Variants in SUB1 observed in about 807,000 individuals in gnomAD.
SUB1 encodes the protein SUB1 regulator of transcription, also known as activated RNA polymerase II transcriptional coactivator p15.
A neutral mutation model predicts 16.9 loss-of-function variants in SUB1; 1 was observed. The ratio of observed to expected loss-of-function variants is 0.06; its 90% CI spans 0.02 to 0.28. SUB1 has a LOEUF of 0.28. Ranked by LOEUF, SUB1 falls within the 10% of genes least tolerant of loss-of-function variation. SUB1 has a pLI of 1.00. For missense variants in SUB1, 84 were observed against 145.2 expected (o/e 0.58, Z 2.16); for synonymous variants, 51 against 46.9 (o/e 1.09, Z -0.36).
At chr5:32,594,736 T>C (rs1399488260) in intron 3 of SUB1, 1 of 290,736 alleles carries the variant, frequency 3.4e-6, no homozygotes, top group African/African-American at 2.2e-5. Flanking sequence ...GGGATCTAGG[T>C]TGTGCGTTCC....
At chr5:32,598,397 G>A (rs1739031397) in intron 3 of SUB1, 1 of 152,220 alleles carries the variant, frequency 6.6e-6, no homozygotes, top group Non-Finnish European at 1.5e-5. Context: ...GCAATTTGTT[G>A]GAGACATGAA....
At position 32,598,956 on chromosome 5, in the gene SUB1, T is replaced by C. The variant is rs925809673; in HGVS notation, c.196-5T>C. The C allele has an allele frequency of 3.1e-6, 5 of 1,607,168 alleles. No homozygotes were observed. In the African/African-American group the frequency reaches 5.4e-5, roughly 17 times the overall value. On this transcript the variant is annotated splice_region_variant and splice_polypyrimidine_tract_variant and intron_variant, in intron 3 of 4. Coordinates refer to ENST00000265073, the MANE Select transcript of SUB1 (RefSeq NM_006713.4). Reference sequence around the variant, plus strand: ...CACCTCTTTTTATGTTTGTTTCTTTTGCAGATTGGGAAAATGAGGTACGTT... The same window carrying C: ...CACCTCTTTTTATGTTTGTTTCTTTCGCAGATTGGGAAAATGAGGTACGTT...
intron 2 of SUB1, among the ~76,000 whole-genome samples, chr5:32,588,831 T>TA (rs148485658): frequency 1.9e-3 from 287 of 152,104 alleles, no homozygotes; most frequent in African/African-American, 6.7e-3. Context: ...AAATAAAAAA[T>TA]AAAAAATAAG....
intron 3 of SUB1, chr5:32,595,902 T>C (rs1321423340): frequency 6.6e-6 from 1 of 152,242 alleles, no homozygotes; most frequent in Non-Finnish European, 1.5e-5. Context: ...CTCATGTACA[T>C]GTCTTAATTC....
chr5:32,594,937 C>T (rs1738920973), intron 3 of SUB1: 1 of 155,454 alleles, frequency 6.4e-6, no homozygotes, highest in East Asian at 1.9e-4. Flanking sequence ...ATAAGAATCA[C>T]AGTTCTTTAT....
intron 4 of SUB1, among the ~76,000 whole-genome samples, chr5:32,599,890 T>C (rs2111686401): frequency 6.6e-6 from 1 of 152,372 alleles, no homozygotes; most frequent in South Asian, 2.1e-4. Flanking sequence ...TCTTGTTTAC[T>C]TCTCTGTTTA....
At chr5:32,599,848 C>G (rs1411916497) in intron 4 of SUB1, among the ~76,000 whole-genome samples, 2 of 151,888 alleles carry the variant, frequency 1.3e-5, no homozygotes, top group Non-Finnish European at 2.9e-5. Context: ...TCATGGCCTT[C>G]CAGCAGTTTT....
intron 3 of SUB1, chr5:32,596,736 C>T (rs181195040): frequency 1.3e-5 from 2 of 152,222 alleles, no homozygotes; most frequent in Admixed American, 1.3e-4. Context: ...TATTTTTTGA[C>T]TCCGTTGTGT....
At chr5:32,594,733 A>G (rs1738915323) in intron 3 of SUB1, 1 of 298,426 alleles carries the variant, frequency 3.4e-6, no homozygotes, top group East Asian at 9.0e-5. Flanking sequence ...CAAGGGATCT[A>G]GGTTGTGCGT....
chr5:32,592,000 A>G (rs1370770903), intron 3 of SUB1, among the ~76,000 whole-genome samples: 1 of 152,212 alleles, frequency 6.6e-6, no homozygotes, highest in African/African-American at 2.4e-5. Flanking sequence ...GCCTTGCCAA[A>G]GTTGGCTGTT....
rs1186715277 is a variant in SUB1 at position 32,601,301 on chromosome 5, AGT to A, written c.*220_*221del. 1 of 478,706 alleles carries A rather than the reference AGT, an allele frequency of 2.1e-6. No individual in the cohort carries two copies. Among genetic ancestry groups the A allele is most frequent in the African/African-American group, 2.0e-5 (1 of 49,576 alleles). 29.7% of individuals were successfully genotyped at this position (478,706 alleles called of 1,614,324 possible). ...GGATTACTTTGTCTGCCCACCACCTAGTGTAAAATAAAATCAAGTAATACAAT... is the reference window on the plus strand; with the variant it reads ...GGATTACTTTGTCTGCCCACCACCTAGTAAAATAAAATCAAGTAATACAAT... On this transcript the variant is annotated 3_prime_UTR_variant, in exon 5 of 5. Transcript: ENST00000265073.
chr5:32,591,311 C>A, intron 2 of SUB1: 1 of 303,222 alleles, frequency 3.3e-6, no homozygotes, highest in East Asian at 6.8e-5. Flanking sequence ...AATAACCGTT[C>A]CTGTGGTTAA....
chr5:32,587,658 C>G (rs889284628), intron 1 of SUB1, among the ~76,000 whole-genome samples: 1 of 151,242 alleles, frequency 6.6e-6, no homozygotes, highest in Admixed American at 6.6e-5. Context: ...TTGCCCAGGC[C>G]GGAGTGCAAT....
rs377594918 is a variant in SUB1, at chr5:32,594,038, A to G, written c.195+2353A>G. 3.0e-4 allele frequency among the ~76,000 whole-genome samples: 46 copies of G among 152,336 alleles called. 1 individual carries two copies. The Middle Eastern group carries it at 0.017, about 56-fold the overall frequency. On this transcript the variant is annotated intron_variant, in intron 3 of 4. Coordinates refer to ENST00000265073, the MANE Select transcript of SUB1 (RefSeq NM_006713.4). ...CTTTCATGGATCTAGTAGTGTAGGC[A>G]TTATGAAATAATATGATACTTAATT...
intron 4 of SUB1, among the ~76,000 whole-genome samples, chr5:32,600,420 G>A (rs909148238): frequency 2.6e-5 from 4 of 152,130 alleles, no homozygotes; most frequent in Admixed American, 2.6e-4. Flanking sequence ...TAGTTGACGG[G>A]TATTAGTAAG....
intron 1 of SUB1, among the ~76,000 whole-genome samples, chr5:32,587,140 T>TTAAA (rs1466352469): frequency 6.6e-6 from 1 of 152,052 alleles, no homozygotes; most frequent in African/African-American, 2.4e-5. Context: ...CATGTGGGAG[T>TTAAA]TATTTATGTG....
rs1468876803 is a variant in SUB1, at chr5:32,598,943, T to C, written c.196-18T>C. ...CTCTTGAAAGGAGCACCTCTTTTTA[T>C]GTTTGTTTCTTTTGCAGATTGGGAA... On this transcript the variant is annotated intron_variant, in intron 3 of 4. Transcript: ENST00000265073. 5.7e-6 allele frequency: 9 copies of C among 1,588,154 alleles called. No individual in the cohort carries two copies. The highest frequency in any genetic ancestry group is 1.8e-4 in the Middle Eastern group (1 of 5,580).
chr5:32,597,845 AAAGT>A (rs1348470900), intron 3 of SUB1: 1 of 152,224 alleles, frequency 6.6e-6, no homozygotes, highest in African/African-American at 2.4e-5. Flanking sequence ...TTCTTACAAT[AAAGT>A]AAGCTAGAGA....
chr5:32,594,699 G>A (rs1738914080), intron 3 of SUB1: 3 of 420,308 alleles, frequency 7.1e-6, no homozygotes, highest in Non-Finnish European at 1.4e-5. Flanking sequence ...ATAGGAGCGC[G>A]AACCCTATTG....
Sources: gnomAD v4.1 joint callset for allele counts (sites outside exome capture counted in the v4.1 genomes callset) on GRCh38, gnomAD v4.1.1 for gene constraint, MANE v1.5 for transcripts, NCBI Gene and HGNC (gene_info 2026-07-23, HGNC 2026-07-21) for gene names.